Variants in BCAS3 observed in about 807,000 individuals in gnomAD.
BCAS3 encodes the protein BCAS4/BCAS3 fusion.
BCAS3 carries 53 observed loss-of-function variants against 116.1 expected under a neutral mutation model. That is an observed-to-expected ratio of 0.46 (90% CI 0.37 to 0.57). The LOEUF is 0.57. Ranked by LOEUF, BCAS3 falls within the 20% of genes least tolerant of loss-of-function variation. The pLI, the probability that BCAS3 is intolerant of heterozygous loss-of-function variation, is 0.00. For synonymous variants in BCAS3, 391 were observed against 408.2 expected, an observed-to-expected ratio of 0.96 and a Z score of 0.51; for missense variants, 917 against 1,165.4, an observed-to-expected ratio of 0.79 and a Z score of 3.10.
At chr17:60,832,421 T>C (rs1171720732) in intron 7 of BCAS3, among the ~76,000 whole-genome samples, 1 of 152,140 alleles carries the variant, frequency 6.6e-6, no homozygotes, top group Non-Finnish European at 1.5e-5. Context: ...AGCAGAATAT[T>C]GTGACAGGAT....
chr17:60,754,533 G>C (rs1198151712), intron 6 of BCAS3, among the ~76,000 whole-genome samples: 1 of 151,922 alleles, frequency 6.6e-6, no homozygotes, highest in African/African-American at 2.4e-5. Flanking sequence ...CTCCGTGCCT[G>C]GCCTGATGTT....
intron 5 of BCAS3, among the ~76,000 whole-genome samples, chr17:60,713,140 A>T (rs2038133439): frequency 6.6e-6 from 1 of 152,230 alleles, no homozygotes; most frequent in Non-Finnish European, 1.5e-5. Flanking sequence ...AGGGAGAAGC[A>T]GGAGAACACC....
rs771939303 is a variant in BCAS3, at chr17:61,307,876, C to T, written c.2426-60451C>T. On this transcript the variant is annotated intron_variant, in intron 22 of 23. Transcript: ENST00000407086. This position sits in a 1 kb window ranked among gnomAD's most constrained non-coding sequence, Gnocchi z 4.7. ...CAGCAAAACATCTGATATATGGTTA[C>T]AGATCTAACACAAATAATGTTACGT... Among the ~76,000 whole-genome samples the T allele has an allele frequency of 2.6e-5, 4 of 152,152 alleles. No individual in the cohort carries two copies. The highest frequency in any genetic ancestry group is 5.9e-5 in the Non-Finnish European group (4 of 68,034).
chr17:60,991,665 C>T (rs905230262), intron 15 of BCAS3, among the ~76,000 whole-genome samples: 1 of 152,088 alleles, frequency 6.6e-6, no homozygotes, highest in Admixed American at 6.5e-5. Context: ...TAATATTCAC[C>T]ATGTAAATGT....
In BCAS3 at chr17:61,265,323, G is replaced by A. The variant is rs143697105; in HGVS notation, c.2426-103004G>A. On this transcript the variant is annotated intron_variant, in intron 22 of 23. Coordinates refer to ENST00000407086, the MANE Select transcript of BCAS3 (RefSeq NM_017679.5). The surrounding 1 kb of genome is among the most constrained non-coding windows in gnomAD (Gnocchi z 4.3). ...GGAGGTTGAGGCAGGAGAATCGTTC[G>A]AACCCGAGAGGCAGAGGTTGCAGTG... 4.6e-5 allele frequency among the ~76,000 whole-genome samples: 7 copies of A among 151,556 alleles called. No homozygotes were observed. Among genetic ancestry groups the A allele is most frequent in the Non-Finnish European group, 2.9e-5 (2 of 67,960 alleles).
chr17:61,240,526 C>T (rs1340064086), intron 22 of BCAS3, among the ~76,000 whole-genome samples: 1 of 152,092 alleles, frequency 6.6e-6, no homozygotes, highest in Non-Finnish European at 1.5e-5. Flanking sequence ...TGGTGGCGCA[C>T]GCCTGTAATC....
Position 60,960,623 on chromosome 17 carries a change from G to A in BCAS3, c.1221+13271G>A, listed in dbSNP as rs575906332. Among the ~76,000 whole-genome samples the A allele has an allele frequency of 1.3e-5, 2 of 152,166 alleles. No individual in the cohort carries two copies. Among genetic ancestry groups the A allele is most frequent in the Admixed American group, 1.3e-4 (2 of 15,264 alleles). ...TGTGGCTCTGCCCATTCCTGCCTTT[G>A]TACACACAGCTTAGGCCTTTAAGTG... On this transcript the variant is annotated intron_variant, in intron 14 of 23. Coordinates refer to ENST00000407086, the MANE Select transcript of BCAS3 (RefSeq NM_017679.5). This position sits in a 1 kb window ranked among gnomAD's most constrained non-coding sequence, Gnocchi z 4.1.
intron 10 of BCAS3, among the ~76,000 whole-genome samples, chr17:60,900,868 A>G (rs1367493237): frequency 6.6e-6 from 1 of 152,044 alleles, no homozygotes; most frequent in African/African-American, 2.4e-5. Context: ...TTTCTGACTT[A>G]GTTACTTTTG....
At position 61,181,068 on chromosome 17, in the gene BCAS3, A is replaced by T. The variant is rs564292941; in HGVS notation, c.2425+96504A>T. 2.6e-5 allele frequency among the ~76,000 whole-genome samples: 4 copies of T among 151,714 alleles called. No homozygotes were observed. Among genetic ancestry groups the T allele is most frequent in the Non-Finnish European group, 5.9e-5 (4 of 67,850 alleles). On this transcript the variant is annotated intron_variant, in intron 22 of 23. Coordinates refer to ENST00000407086, the MANE Select transcript of BCAS3 (RefSeq NM_017679.5). This position sits in a 1 kb window ranked among gnomAD's most constrained non-coding sequence, Gnocchi z 5.0. ...ACCTGTCTCTGCAAAAAATTAAAAT[A>T]AAAAAAAATTAGCCCAGAATGGTGG...
rs892944083 is a variant in BCAS3 at position 61,323,175 on chromosome 17, C to T, written c.2426-45152C>T. ...CCATCTTTTAGGCAGCTGATGACCACGGGCCAGATTGTTCATTTCACAAAG... is the reference window on the plus strand; with the variant it reads ...CCATCTTTTAGGCAGCTGATGACCATGGGCCAGATTGTTCATTTCACAAAG... On this transcript the variant is annotated intron_variant, in intron 22 of 23. Transcript: ENST00000407086. This position sits in a 1 kb window ranked among gnomAD's most constrained non-coding sequence, Gnocchi z 4.6. Among the ~76,000 whole-genome samples the T allele has an allele frequency of 6.6e-6, 1 of 152,108 alleles. No homozygotes were observed. Among genetic ancestry groups the T allele is most frequent in the Non-Finnish European group, 1.5e-5 (1 of 68,024 alleles).
At chr17:60,778,666 TA>T (rs1208485909) in intron 6 of BCAS3, among the ~76,000 whole-genome samples, 4 of 152,240 alleles carry the variant, frequency 2.6e-5, no homozygotes, top group African/African-American at 9.6e-5. Context: ...CTACAGTCTA[TA>T]AATCTTTAAA....
At position 60,951,764 on chromosome 17, in the gene BCAS3, CTTTTTTTT is replaced by C. The variant is rs769133578; in HGVS notation, c.1221+4427_1221+4434del. Among the ~76,000 whole-genome samples the C allele has an allele frequency of 2.1e-3, 226 of 109,506 alleles. 2 individuals are homozygous for C. The highest frequency in any genetic ancestry group is 7.9e-3 in the African/African-American group (211 of 26,682). 71.8% of individuals were successfully genotyped at this position (109,506 alleles called of 152,430 possible). A position where few individuals can be genotyped will look rare whatever the true frequency, so the allele number is the denominator to read the frequency against. On this transcript the variant is annotated intron_variant, in intron 14 of 23. Transcript: ENST00000407086. ...AGGGTCTTGGCATTTTCTTTTCTTT[CTTTTTTTT>C]TTTTTTTTTTTTTTCTTTGGAGACG... is the stretch of plus-strand genomic sequence containing the variant.
intron 5 of BCAS3, among the ~76,000 whole-genome samples, chr17:60,726,946 A>AT (rs2039939581): frequency 6.6e-6 from 1 of 152,128 alleles, no homozygotes; most frequent in Non-Finnish European, 1.5e-5. Flanking sequence ...TATCCTGTCA[A>AT]TTTTACTAGT....
rs552075249 is a variant in BCAS3 at position 61,106,515 on chromosome 17, G to C, written c.2425+21951G>C. On this transcript the variant is annotated intron_variant, in intron 22 of 23. Coordinates refer to ENST00000407086, the MANE Select transcript of BCAS3 (RefSeq NM_017679.5). This position sits in a 1 kb window ranked among gnomAD's most constrained non-coding sequence, Gnocchi z 4.2. ...TGTACAAGCATACTCTATGATGTTTGCACAGTGATGAAATCACCTAATAAC... is the reference window on the plus strand; with the variant it reads ...TGTACAAGCATACTCTATGATGTTTCCACAGTGATGAAATCACCTAATAAC... 8.5e-5 allele frequency among the ~76,000 whole-genome samples: 13 copies of C among 152,300 alleles called. No individual in the cohort carries two copies. The highest frequency in any genetic ancestry group is 3.1e-4 in the African/African-American group (13 of 41,560).
rs537982584 is a variant in BCAS3, at chr17:60,816,279, C to CTTT, written c.476+8215_476+8217dup. 2.1e-3 allele frequency among the ~76,000 whole-genome samples: 291 copies of CTTT among 140,090 alleles called. 9 individuals carry two copies. Among genetic ancestry groups the CTTT allele is most frequent in the African/African-American group, 4.4e-3 (163 of 36,674 alleles). The allele number at this position is 140,090 out of a possible 152,430, so 91.9% of individuals were successfully genotyped here. A position where few individuals can be genotyped will look rare whatever the true frequency, so the allele number is the denominator to read the frequency against. Reference sequence around the variant, plus strand: ...TATAACTTTTCTTTCTTTTTCTTTTCTTTTTTTTTTTTTTGAGACGGAGTC... The same window carrying CTTT: ...TATAACTTTTCTTTCTTTTTCTTTTCTTTTTTTTTTTTTTTTTGAGACGGAGTC... On this transcript the variant is annotated intron_variant, in intron 7 of 23. Transcript: ENST00000407086.
intron 22 of BCAS3, among the ~76,000 whole-genome samples, chr17:61,148,155 A>G (rs1008718153): frequency 2.6e-5 from 4 of 152,134 alleles, no homozygotes; most frequent in Non-Finnish European, 5.9e-5. Context: ...TGTGTGTGTA[A>G]TTTATATTAA....
In BCAS3 at chr17:61,366,584, CA is replaced by C. The variant is rs2058746663; in HGVS notation, c.2426-1742del. On this transcript the variant is annotated intron_variant, in intron 22 of 23. Transcript: ENST00000407086. The surrounding 1 kb of genome is among the most constrained non-coding windows in gnomAD (Gnocchi z 4.5). ...GGCCTTGGGAGAATTATCTGACACC[CA>C]GCCGTGCACCCCCATTTTCCAGAGC... 6.6e-6 allele frequency among the ~76,000 whole-genome samples: 1 copy of C among 152,200 alleles called. No homozygotes were observed. Among genetic ancestry groups the C allele is most frequent in the South Asian group, 2.1e-4 (1 of 4,832 alleles).
chr17:61,052,390 A>G (rs1451395281), intron 19 of BCAS3, among the ~76,000 whole-genome samples: 1 of 152,056 alleles, frequency 6.6e-6, no homozygotes, highest in Non-Finnish European at 1.5e-5. Context: ...TCTTCTTTAT[A>G]TCTTTTATTT....
intron 14 of BCAS3, among the ~76,000 whole-genome samples, chr17:60,966,798 A>C (rs528237949): frequency 1.3e-5 from 2 of 151,690 alleles, no homozygotes; most frequent in Non-Finnish European, 2.9e-5. Context: ...GATTACAGAC[A>C]TGTGCCACCA....
Sources: allele counts gnomAD v4.1 joint callset (sites outside exome capture counted in the v4.1 genomes callset), GRCh38; gene constraint gnomAD v4.1.1; non-coding constraint Gnocchi (gnomAD v3.1); transcripts MANE v1.5; gene names NCBI Gene and HGNC (gene_info 2026-07-23, HGNC 2026-07-21).